The following FAM168A variants were observed in gnomAD, a reference collection of about 807,000 sequenced individuals.
FAM168A encodes protein FAM168A.
Under a neutral mutation model 28.5 loss-of-function variants are expected in FAM168A, and 3 were observed. The ratio of observed to expected loss-of-function variants is 0.11; its 90% CI spans 0.05 to 0.27. FAM168A has a LOEUF of 0.27. FAM168A is among the 10% of genes least tolerant of loss of function. FAM168A has a pLI of 1.00. For synonymous variants in FAM168A, 122 were observed against 124.2 expected, an observed-to-expected ratio of 0.98 and a Z score of 0.12; for missense variants, 222 against 311.5, an observed-to-expected ratio of 0.71 and a Z score of 2.16.
chr11:73,400,821 A>G lies in FAM168A; in HGVS notation c.*5942T>C, dbSNP rs1590744784. On this transcript the variant is annotated 3_prime_UTR_variant, in exon 8 of 8. Coordinates refer to ENST00000356467, the MANE Select transcript of FAM168A (RefSeq NM_015159.3). ...TTTTGGGGGGGAATTTTTTTTTTTA[A>G]TAGTTATTGAGTGTTCTACAGCTTA... The G allele has an allele frequency of 6.6e-6, 1 of 151,706 alleles. No individual in the cohort carries two copies. Among genetic ancestry groups the G allele is most frequent in the Admixed American group, 6.6e-5 (1 of 15,234 alleles). 9.4% of individuals were successfully genotyped at this position (151,706 alleles called of 1,614,324 possible). A position where few individuals can be genotyped will look rare whatever the true frequency, so the allele number is the denominator to read the frequency against.
At chr11:73,508,747 CAG>C in intron 1 of FAM168A, among the ~76,000 whole-genome samples, 1 of 152,176 alleles carries the variant, frequency 6.6e-6, no homozygotes, top group South Asian at 2.1e-4. Context: ...TATAGGATGA[CAG>C]GGGGTACAGC....
At chr11:73,411,817 G>A (rs1866617058) in intron 4 of FAM168A, among the ~76,000 whole-genome samples, 1 of 152,126 alleles carries the variant, frequency 6.6e-6, no homozygotes, top group Admixed American at 6.5e-5. Flanking sequence ...GAACCACATG[G>A]TCCCTTTTAG....
In FAM168A at chr11:73,591,564, C is replaced by G. The variant is rs377018872; in HGVS notation, c.-19+6359G>C. Among the ~76,000 whole-genome samples, 16 of 152,286 alleles carry G rather than the reference C, an allele frequency of 1.1e-4. No homozygotes were observed. In the East Asian group the frequency reaches 1.2e-3, roughly 11 times the overall value. On this transcript the variant is annotated intron_variant, in intron 1 of 7. Transcript: ENST00000356467. ...ATATAGTCTTGCCCAAGCTAGAGAG[C>G]AGAGGTATGATCATAGCTCACTGTA...
At chr11:73,468,205 G>A (rs1867764792) in intron 2 of FAM168A, among the ~76,000 whole-genome samples, 200 bp downstream of exon 2, 1 of 152,114 alleles carries the variant, frequency 6.6e-6, no homozygotes, top group South Asian at 2.1e-4. Context: ...CACTCTCCTG[G>A]TATTATTGTA....
At chr11:73,567,135 G>A (rs1380235798) in intron 1 of FAM168A, among the ~76,000 whole-genome samples, 1 of 152,196 alleles carries the variant, frequency 6.6e-6, no homozygotes, top group African/African-American at 2.4e-5. Context: ...GCTGCTGAGA[G>A]TCTGAGCTAA....
intron 4 of FAM168A, among the ~76,000 whole-genome samples, chr11:73,416,585 C>T (rs1866698448): frequency 6.6e-6 from 1 of 152,100 alleles, no homozygotes; most frequent in Admixed American, 6.6e-5. Flanking sequence ...TACTAGAAGC[C>T]ACAAAATCTG....
chr11:73,530,433 G>C (rs117905466), intron 1 of FAM168A, among the ~76,000 whole-genome samples: 3,850 of 152,262 alleles, frequency 0.025, 76 homozygotes, highest in Middle Eastern at 0.041. Context: ...AGATCAGTGT[G>C]CAGGGGAATC....
chr11:73,441,086 G>C (rs1013746506), intron 2 of FAM168A, among the ~76,000 whole-genome samples: 1 of 147,508 alleles, frequency 6.8e-6, no homozygotes, highest in African/African-American at 2.6e-5. Context: ...TTGAGACAGA[G>C]TCTTGCTCTG....
At chr11:73,473,866 T>G (rs1357579021) in intron 1 of FAM168A, among the ~76,000 whole-genome samples, 1 of 151,622 alleles carries the variant, frequency 6.6e-6, no homozygotes, top group Non-Finnish European at 1.5e-5. Context: ...CAGGCTGGAG[T>G]GCAGTGGCGC....
At chr11:73,447,012 C>T (rs1867328879) in intron 2 of FAM168A, among the ~76,000 whole-genome samples, 1 of 152,214 alleles carries the variant, frequency 6.6e-6, no homozygotes, top group Non-Finnish European at 1.5e-5. Context: ...TCTTGCCACG[C>T]CGGGTCTGGC....
At chr11:73,556,144 G>A (rs1237153617) in intron 1 of FAM168A, among the ~76,000 whole-genome samples, 1 of 54,502 alleles carries the variant, frequency 1.8e-5, no homozygotes, top group African/African-American at 7.8e-5. Flanking sequence ...AGGAGTTCAA[G>A]AACAGCCTGG....
chr11:73,450,033 C>G (rs76269455), intron 2 of FAM168A, among the ~76,000 whole-genome samples: 2,711 of 152,246 alleles, frequency 0.018, 63 homozygotes, highest in African/African-American at 0.055. Context: ...CCTTTTAAAG[C>G]CAATTTTAGG....
At chr11:73,595,438 T>C (rs1371354604) in intron 1 of FAM168A, among the ~76,000 whole-genome samples, 2 of 152,236 alleles carry the variant, frequency 1.3e-5, no homozygotes, top group Admixed American at 1.3e-4. Context: ...ATTCTGAAGC[T>C]TGAACAAAAA....
intron 1 of FAM168A, among the ~76,000 whole-genome samples, chr11:73,495,181 T>C (rs1239182221): frequency 6.7e-6 from 1 of 148,564 alleles, no homozygotes; most frequent in Non-Finnish European, 1.5e-5. Flanking sequence ...TACAAAAAAT[T>C]AGCCAGGCAT....
In FAM168A at chr11:73,536,506, G is replaced by A. The variant is rs186816883; in HGVS notation, c.-19+61417C>T. On this transcript the variant is annotated intron_variant, in intron 1 of 7. Transcript: ENST00000356467. Reference sequence around the variant, plus strand: ...AGTTCGAGACCAGCCTGACCAACATGGAGAAACCCCATCTCTACTAAAAAT... The same window carrying A: ...AGTTCGAGACCAGCCTGACCAACATAGAGAAACCCCATCTCTACTAAAAAT... Among the ~76,000 whole-genome samples, 3 of 152,178 alleles carry A rather than the reference G, an allele frequency of 2.0e-5. No homozygotes were observed. In the East Asian group the frequency reaches 5.8e-4, roughly 29 times the overall value.
rs747204512 is a variant in FAM168A at position 73,437,400 on chromosome 11, C to CTTTT, written c.71-6634_71-6631dup. 4.6e-3 allele frequency among the ~76,000 whole-genome samples: 474 copies of CTTTT among 103,500 alleles called. 18 individuals carry two copies. Among genetic ancestry groups the CTTTT allele is most frequent in the African/African-American group, 0.012 (293 of 25,330 alleles). 67.9% of individuals were successfully genotyped at this position (103,500 alleles called of 152,430 possible). A position where few individuals can be genotyped will look rare whatever the true frequency, so the allele number is the denominator to read the frequency against. On this transcript the variant is annotated intron_variant, in intron 2 of 7. Coordinates refer to ENST00000356467, the MANE Select transcript of FAM168A (RefSeq NM_015159.3). The stretch of plus-strand genomic sequence containing the variant: ...GTGTGAGCTACCACGCCCGGCCACT[C>CTTTT]TTTTTTTTTTTTTTTTTTTTTGAGA...
At chr11:73,441,388 A>G (rs1013256011) in intron 2 of FAM168A, among the ~76,000 whole-genome samples, 3 of 152,192 alleles carry the variant, frequency 2.0e-5, no homozygotes, top group Non-Finnish European at 2.9e-5. Flanking sequence ...AAGTGTAACA[A>G]TATCAGGTGT....
intron 1 of FAM168A, among the ~76,000 whole-genome samples, chr11:73,496,017 C>T (rs537840186): frequency 8.2e-4 from 125 of 152,292 alleles, no homozygotes; most frequent in Middle Eastern, 3.4e-3. Flanking sequence ...AGAGTGGAAG[C>T]AACCTAAATG....
intron 1 of FAM168A, among the ~76,000 whole-genome samples, chr11:73,488,498 T>G (rs1868084908): frequency 2.0e-5 from 3 of 152,198 alleles, no homozygotes. Flanking sequence ...TACTGTTTCA[T>G]GCTTTCTTTG....
Sources: allele counts gnomAD v4.1 joint callset (sites outside exome capture counted in the v4.1 genomes callset), GRCh38; gene constraint gnomAD v4.1.1; transcripts MANE v1.5; gene names NCBI Gene and HGNC (gene_info 2026-07-23, HGNC 2026-07-21).